Variants in DSCAML1 observed in about 807,000 individuals in gnomAD.
DSCAML1 encodes cell adhesion molecule DSCAML1.
DSCAML1 carries 38 observed loss-of-function variants against 200.5 expected under a neutral mutation model. The observed-to-expected ratio is 0.19, with a 90% CI of 0.15 to 0.25. The LOEUF (loss-of-function observed/expected upper bound fraction) is 0.25, where lower values mean the gene tolerates loss of function less well. Among genes scored for constraint, DSCAML1 ranks in the 10% least tolerant of loss-of-function variants. DSCAML1 has a pLI of 1.00. For synonymous variants in DSCAML1, 1,215 were observed against 1,165.0 expected, an observed-to-expected ratio of 1.04 and a Z score of -0.87; for missense variants, 2,223 against 2,858.8, an observed-to-expected ratio of 0.78 and a Z score of 5.07.
Position 117,518,519 on chromosome 11 carries a change from G to A in DSCAML1, c.1457C>T (p.Thr486Ile), listed in dbSNP as rs371485388. ...AGCACTGCCCACCAAGTTCCGCGCT[G>A]TGCACCGGTACACGCCCCCGTCGCG... ...QIRDGGVYRC[T>I]ARNLVGSAEY... is the part of the protein sequence containing the mutation. Residue 486 changes from threonine (T) to isoleucine (I), a missense_variant, in exon 7 of 33, where the codon ACA becomes ATA. This residue lies in a region of DSCAML1 where 579 missense variants were observed against 721.5 expected (regional missense o/e 0.80). Coordinates refer to ENST00000651296, the MANE Select transcript of DSCAML1 (RefSeq NM_020693.4). This position sits in a 1 kb window ranked among gnomAD's most constrained non-coding sequence, Gnocchi z 6.3. The A allele has an allele frequency of 6.2e-7, 1 of 1,614,108 alleles. No individual in the cohort carries two copies. The highest frequency in any genetic ancestry group is 8.5e-7 in the Non-Finnish European group (1 of 1,180,056).
At chr11:117,645,169 G>A (rs1377475742) in intron 3 of DSCAML1, among the ~76,000 whole-genome samples, 1 of 152,172 alleles carries the variant, frequency 6.6e-6, no homozygotes, top group African/African-American at 2.4e-5. Flanking sequence ...CCCAGGCAAG[G>A]ATATCTGTAG....
chr11:117,482,228 C>T, intron 11 of DSCAML1, 66 bp from the exon 12 acceptor site: 3 of 1,576,096 alleles, frequency 1.9e-6, no homozygotes, highest in Non-Finnish European at 2.6e-6. Context: ...GGCACGCGTG[C>T]CCTGCGCAGA....
intron 3 of DSCAML1, among the ~76,000 whole-genome samples, chr11:117,620,393 C>T (rs2051904515): frequency 1.3e-5 from 2 of 152,192 alleles, no homozygotes; most frequent in African/African-American, 4.8e-5. Context: ...TTTCTCTGTC[C>T]TCCACACCTC....
intron 3 of DSCAML1, among the ~76,000 whole-genome samples, chr11:117,774,739 T>C (rs1591496110): frequency 6.6e-6 from 1 of 152,246 alleles, no homozygotes; most frequent in Non-Finnish European, 1.5e-5. Context: ...ATACGGTGGG[T>C]GAGGCACGTC....
At chr11:117,707,125 G>T (rs1053160701) in intron 3 of DSCAML1, among the ~76,000 whole-genome samples, 1 of 152,340 alleles carries the variant, frequency 6.6e-6, no homozygotes. Flanking sequence ...TCCTTTGTGG[G>T]TGTCAGTGCC....
chr11:117,530,601 G>A (rs1433527079), intron 4 of DSCAML1, among the ~76,000 whole-genome samples: 1 of 152,184 alleles, frequency 6.6e-6, no homozygotes, highest in Non-Finnish European at 1.5e-5. Context: ...ACAGGGCCAG[G>A]CGCTGAAGAC....
chr11:117,516,533 A>C lies in DSCAML1; in HGVS notation c.1717T>G (p.Tyr573Asp). 6.2e-7 allele frequency: 1 copy of C among 1,613,286 alleles called. No homozygotes were observed. The highest frequency in any genetic ancestry group is 2.2e-5 in the East Asian group (1 of 44,830). ...GGCTGGATGAGGACACTGCACAGGT[A>C]CTCCCCCTCATCCATGCCCTTCTGC... Reference protein sequence around the residue: ...DVQKGMDEGEYLCSVLIQPQL... With the variant: ...DVQKGMDEGEDLCSVLIQPQL... Residue 573 changes from tyrosine (Y) to aspartate (D), a missense_variant, in exon 8 of 33, where the codon TAC (tyrosine) becomes GAC (aspartate). Around this residue, in one of 7 missense-constraint regions of DSCAML1, gnomAD observed 212 missense variants for 368.0 expected, o/e 0.58. Transcript: ENST00000651296. The surrounding 1 kb of genome is among the most constrained non-coding windows in gnomAD (Gnocchi z 5.7).
At chr11:117,465,287 A>G (rs1319099535) in intron 16 of DSCAML1, 105 bp from the exon 17 acceptor site, 18 of 1,474,076 alleles carry the variant, frequency 1.2e-5, no homozygotes, top group Non-Finnish European at 1.5e-5. Flanking sequence ...CAGCCCTTCA[A>G]AGGCTCCCAT....
At chr11:117,496,369 C>A (rs567819612) in intron 11 of DSCAML1, among the ~76,000 whole-genome samples, 2 of 152,308 alleles carry the variant, frequency 1.3e-5, no homozygotes, top group Admixed American at 6.5e-5. Flanking sequence ...TCTGGCCCCA[C>A]CATTCAGAGG....
At chr11:117,657,006 G>T (rs1010808470) in intron 3 of DSCAML1, among the ~76,000 whole-genome samples, 6 of 152,142 alleles carry the variant, frequency 3.9e-5, no homozygotes, top group African/African-American at 1.4e-4. Context: ...GTTATATAAG[G>T]GGTCTTCACA....
chr11:117,572,763 A>G (rs2050868123), intron 3 of DSCAML1, among the ~76,000 whole-genome samples: 2 of 152,288 alleles, frequency 1.3e-5, no homozygotes, highest in African/African-American at 4.8e-5. Context: ...GTGGTGGTTG[A>G]TCAGGTTCTC....
intron 16 of DSCAML1, among the ~76,000 whole-genome samples, chr11:117,466,318 C>T (rs183063363): frequency 7.5e-4 from 114 of 152,332 alleles, no homozygotes; most frequent in Non-Finnish European, 4.3e-4. Context: ...CTTGAAGACA[C>T]TGCACTAAGA....
chr11:117,429,687 C>G (rs1032314444), intron 32 of DSCAML1, among the ~76,000 whole-genome samples: 2 of 152,184 alleles, frequency 1.3e-5, no homozygotes, highest in African/African-American at 4.8e-5. Flanking sequence ...TTCCTTATTT[C>G]TTAAACTGCC....
intron 3 of DSCAML1, among the ~76,000 whole-genome samples, chr11:117,532,865 C>T (rs1720181761): frequency 6.6e-6 from 1 of 152,048 alleles, no homozygotes; most frequent in Non-Finnish European, 1.5e-5. Flanking sequence ...TGGCTCGCAC[C>T]TGTAATCCCA....
intron 3 of DSCAML1, among the ~76,000 whole-genome samples, chr11:117,621,323 T>C (rs2051924716): frequency 6.6e-6 from 1 of 152,230 alleles, no homozygotes; most frequent in South Asian, 2.1e-4. Context: ...TAAGTAAATA[T>C]GACAGGTGGA....
intron 3 of DSCAML1, among the ~76,000 whole-genome samples, chr11:117,565,852 T>C (rs953333434): frequency 1.3e-5 from 2 of 152,190 alleles, no homozygotes; most frequent in Non-Finnish European, 2.9e-5. Context: ...TGTGACCAGA[T>C]CAGGGACGGT....
chr11:117,431,178 G>T, intron 31 of DSCAML1, 145 bp from the exon 32 acceptor site: 1 of 768,800 alleles, frequency 1.3e-6, no homozygotes, highest in Non-Finnish European at 2.1e-6. Flanking sequence ...CGTGAAGGTG[G>T]CAGTGGTGGC....
intron 3 of DSCAML1, among the ~76,000 whole-genome samples, chr11:117,773,897 G>A (rs906008810): frequency 5.9e-5 from 9 of 152,142 alleles, no homozygotes; most frequent in African/African-American, 2.2e-4. Flanking sequence ...CTAAAGAAAG[G>A]GGTTCTGCAA....
At chr11:117,698,184 T>C (rs564921042) in intron 3 of DSCAML1, among the ~76,000 whole-genome samples, 1 of 152,338 alleles carries the variant, frequency 6.6e-6, no homozygotes, top group East Asian at 1.9e-4. Context: ...TTAACTATTG[T>C]GAAGGCTGCT....
Sources: allele counts gnomAD v4.1 joint callset (sites outside exome capture counted in the v4.1 genomes callset), GRCh38; gene constraint gnomAD v4.1.1; regional missense constraint gnomAD v4.1.1; non-coding constraint Gnocchi (gnomAD v3.1); transcripts MANE v1.5; gene names NCBI Gene and HGNC (gene_info 2026-07-23, HGNC 2026-07-21).